The following BMERB1 variants were observed in gnomAD, a reference collection of about 807,000 sequenced individuals.
The protein encoded by BMERB1 is bMERB domain-containing protein 1.
In BMERB1, 12 loss-of-function variants were observed where a neutral mutation model predicts 23.6. The ratio of observed to expected loss-of-function variants is 0.51; its 90% CI spans 0.33 to 0.82. The LOEUF is 0.82. Among genes scored for constraint, BMERB1 ranks in the 40% least tolerant of loss-of-function variants. BMERB1 has a pLI of 0.03. For missense variants in BMERB1, 247 were observed against 255.4 expected, an observed-to-expected ratio of 0.97 and a Z score of 0.22; for synonymous variants, 122 against 96.6, an observed-to-expected ratio of 1.26 and a Z score of -1.54.
intron 1 of BMERB1, among the ~76,000 whole-genome samples, chr16:15,476,072 G>A (rs2051272527): frequency 2.0e-5 from 3 of 151,788 alleles, no homozygotes; most frequent in South Asian, 2.1e-4. Context: ...CTTTTATTAA[G>A]CAGGACATTC....
intron 1 of BMERB1, among the ~76,000 whole-genome samples, chr16:15,500,432 G>T (rs975497331): frequency 7.9e-5 from 12 of 152,180 alleles, no homozygotes; most frequent in African/African-American, 2.4e-4. Context: ...CTGGAGGTGG[G>T]ACGAGAGGGT....
Position 15,465,080 on chromosome 16 carries a change from A to G in BMERB1, c.106+30321A>G, listed in dbSNP as rs539597620. Among the ~76,000 whole-genome samples, 4 of 152,206 alleles carry G rather than the reference A, an allele frequency of 2.6e-5. No individual in the cohort carries two copies. The East Asian group carries it at 7.7e-4, about 29-fold the overall frequency. ...TTGATTGGGGTGGTTGGTTACCTGA[A>G]TCTGTACATGTGATAAAATTGCACA... On this transcript the variant is annotated intron_variant, in intron 1 of 5. Transcript: ENST00000300006.
intron 2 of BMERB1, among the ~76,000 whole-genome samples, chr16:15,526,973 T>G (rs545287570): frequency 7.4e-6 from 1 of 135,972 alleles, no homozygotes; most frequent in South Asian, 2.1e-4. Context: ...TTATATTTTA[T>G]TATTATTATA....
chr16:15,521,533 C>A (rs972164845), intron 2 of BMERB1, among the ~76,000 whole-genome samples: 7 of 152,170 alleles, frequency 4.6e-5, no homozygotes, highest in Non-Finnish European at 7.3e-5. Context: ...CCCACTTGCC[C>A]TGAATCAGGC....
intron 2 of BMERB1, among the ~76,000 whole-genome samples, chr16:15,563,869 C>G (rs567416875): frequency 4.6e-5 from 7 of 152,174 alleles, no homozygotes; most frequent in Non-Finnish European, 8.8e-5. Context: ...GACACAGATC[C>G]AAACTACATC....
intron 1 of BMERB1, among the ~76,000 whole-genome samples, chr16:15,497,965 A>G (rs532686064): frequency 6.6e-6 from 1 of 152,300 alleles, no homozygotes; most frequent in South Asian, 2.1e-4. Context: ...GTGAGTGATA[A>G]TAGCTAACAT....
At chr16:15,564,360 C>G (rs2030509512) in intron 2 of BMERB1, among the ~76,000 whole-genome samples, 1 of 151,922 alleles carries the variant, frequency 6.6e-6, no homozygotes, top group African/African-American at 2.4e-5. Flanking sequence ...TAAGCATTCA[C>G]CCAAACAAAA....
In BMERB1 at chr16:15,538,668, T is replaced by G. The variant is rs186050437; in HGVS notation, c.230+23240T>G. ...CATAGTCCAGAATCGCTCTGGTGAT[T>G]AAATTCGGAAAGCTTGCCCAGGGCA... is the stretch of plus-strand genomic sequence containing the variant. On this transcript the variant is annotated intron_variant, in intron 2 of 5. Coordinates refer to ENST00000300006, the MANE Select transcript of BMERB1 (RefSeq NM_033201.3). 2.8e-3 allele frequency among the ~76,000 whole-genome samples: 426 copies of G among 152,298 alleles called. 1 individual carries two copies. The highest frequency in any genetic ancestry group is 9.4e-3 in the African/African-American group (392 of 41,576).
chr16:15,543,036 G>A (rs1398669197), intron 2 of BMERB1, among the ~76,000 whole-genome samples: 2 of 152,152 alleles, frequency 1.3e-5, no homozygotes, highest in African/African-American at 4.8e-5. Flanking sequence ...CTTGTCTGGT[G>A]TCCAGGAAGA....
chr16:15,503,308 G>T (rs1002918585), intron 1 of BMERB1, among the ~76,000 whole-genome samples: 4 of 151,806 alleles, frequency 2.6e-5, no homozygotes, highest in Admixed American at 2.6e-4. Context: ...TTGAGACGGA[G>T]TCTCGCTCTG....
chr16:15,581,519 G>C, intron 4 of BMERB1, 188 bp downstream of exon 4: 1 of 493,380 alleles, frequency 2.0e-6, no homozygotes, highest in Non-Finnish European at 3.6e-6. Context: ...TTGTATATAA[G>C]AGAATTTCAA....
At chr16:15,441,785 G>A (rs1338995474) in intron 1 of BMERB1, among the ~76,000 whole-genome samples, 1 of 152,114 alleles carries the variant, frequency 6.6e-6, no homozygotes, top group Non-Finnish European at 1.5e-5. Flanking sequence ...GCCTCCCAAA[G>A]GGCTGGGACT....
intron 2 of BMERB1, among the ~76,000 whole-genome samples, chr16:15,525,221 C>T (rs1479125319): frequency 6.6e-6 from 1 of 152,154 alleles, no homozygotes; most frequent in Non-Finnish European, 1.5e-5. Flanking sequence ...TGCCTGATTG[C>T]TTGGGCTGGG....
chr16:15,463,052 C>G (rs1294094881), intron 1 of BMERB1, among the ~76,000 whole-genome samples: 1 of 151,794 alleles, frequency 6.6e-6, no homozygotes, highest in East Asian at 1.9e-4. Context: ...AATGATCTGT[C>G]AGAGAGAGAA....
intron 2 of BMERB1, among the ~76,000 whole-genome samples, chr16:15,553,681 A>T (rs918179655): frequency 1.3e-5 from 2 of 152,240 alleles, no homozygotes; most frequent in African/African-American, 2.4e-5. Flanking sequence ...CCAAGTATTT[A>T]AAAATGAAAA....
intron 1 of BMERB1, among the ~76,000 whole-genome samples, chr16:15,454,052 C>T (rs1471092750): frequency 6.6e-6 from 1 of 152,054 alleles, no homozygotes; most frequent in South Asian, 2.1e-4. Flanking sequence ...GGTCTCTTTT[C>T]TCACACATCT....
At chr16:15,546,930 A>G (rs2029935641) in intron 2 of BMERB1, among the ~76,000 whole-genome samples, 1 of 152,100 alleles carries the variant, frequency 6.6e-6, no homozygotes, top group African/African-American at 2.4e-5. Flanking sequence ...GTCATGTTTC[A>G]AGGCCCAGGA....
chr16:15,583,011 C>T, intron 4 of BMERB1, 145 bp from the exon 5 acceptor site: 1 of 686,156 alleles, frequency 1.5e-6, no homozygotes, highest in Non-Finnish European at 2.6e-6. Context: ...ACAACATATA[C>T]ATACTGTACA....
intron 3 of BMERB1, among the ~76,000 whole-genome samples, chr16:15,574,433 G>A (rs2030807881): frequency 6.6e-6 from 1 of 152,056 alleles, no homozygotes; most frequent in Non-Finnish European, 1.5e-5. Context: ...GGCTGTTATC[G>A]TCTTTGTTTT....
Sources: gnomAD v4.1 joint callset for allele counts (sites outside exome capture counted in the v4.1 genomes callset) on GRCh38, gnomAD v4.1.1 for gene constraint, MANE v1.5 for transcripts, NCBI Gene and HGNC (gene_info 2026-07-23, HGNC 2026-07-21) for gene names.